HIP1: variants seen among roughly 807,000 people sequenced by gnomAD.
The protein encoded by HIP1 is huntingtin interacting protein 1.
Under a neutral mutation model 147.6 loss-of-function variants are expected in HIP1, and 65 were observed. That is an observed-to-expected ratio of 0.44 (90% CI 0.36 to 0.54). The LOEUF (loss-of-function observed/expected upper bound fraction) is 0.54. HIP1 is among the 20% of genes least tolerant of loss of function. HIP1 has a pLI of 0.00. For synonymous variants in HIP1, 479 were observed against 504.0 expected (o/e 0.95, Z 0.67); for missense variants, 1,061 against 1,299.6 (o/e 0.82, Z 2.82).
chr7:75,538,095 G>T lies in HIP1; in HGVS notation c.*77C>A. 8.3e-7 allele frequency: 1 copy of T among 1,210,770 alleles called. No individual in the cohort carries two copies. The highest frequency in any genetic ancestry group is 1.2e-6 in the Non-Finnish European group (1 of 812,222). The allele number at this position is 1,210,770 out of a possible 1,614,324, so 75.0% of individuals were successfully genotyped here. A position where few individuals can be genotyped will look rare whatever the true frequency, so the allele number is the denominator to read the frequency against. On this transcript the variant is annotated 3_prime_UTR_variant, in exon 31 of 31. Coordinates refer to ENST00000336926, the MANE Select transcript of HIP1 (RefSeq NM_005338.7). ...GCTGCCCCTGGGACTCCAAGGATTT[G>T]GCCTGTGGCTGGGGAAATAACACAC...
chr7:75,549,378 T>C (rs1554491704), intron 22 of HIP1, among the ~76,000 whole-genome samples: 1,685 of 149,516 alleles, frequency 0.011, 13 homozygotes, highest in Non-Finnish European at 0.018. Flanking sequence ...TTTTCTTTTT[T>C]TTTTTTTTTT....
At chr7:75,597,903 G>C in intron 2 of HIP1, among the ~76,000 whole-genome samples, 1 of 152,146 alleles carries the variant, frequency 6.6e-6, no homozygotes, top group South Asian at 2.1e-4. Context: ...CTCAAAGGCA[G>C]ATTCCTAGGG....
At chr7:75,579,745 A>G (rs1478181659) in intron 7 of HIP1, among the ~76,000 whole-genome samples, 2 of 152,212 alleles carry the variant, frequency 1.3e-5, no homozygotes, top group Non-Finnish European at 2.9e-5. Flanking sequence ...AACAAGCTGA[A>G]GGAAGCTGAA....
In HIP1 at chr7:75,664,002, ATGTGTATATATATACACATATATG is replaced by A. The variant is rs1799418416; in HGVS notation, c.121-64779_121-64756del. On this transcript the variant is annotated intron_variant, in intron 1 of 30. Coordinates refer to ENST00000336926, the MANE Select transcript of HIP1 (RefSeq NM_005338.7). ...TATATGTGTATATATATACACATAT[ATGTGTATATATATACACATATATG>A]TGTATATATATACACATATATGTGT... 1.1e-4 allele frequency among the ~76,000 whole-genome samples: 3 copies of A among 27,914 alleles called. 1 individual carries two copies. The East Asian group carries it at 2.6e-3, about 24-fold the overall frequency. 18.3% of individuals were successfully genotyped at this position (27,914 alleles called of 152,430 possible).
At chr7:75,569,976 C>T (rs1368910061) in intron 8 of HIP1, among the ~76,000 whole-genome samples, 2 of 151,160 alleles carry the variant, frequency 1.3e-5, no homozygotes, top group African/African-American at 2.4e-5. Flanking sequence ...CACTCTGTTG[C>T]CAGGCTGGAG....
At chr7:75,552,861 T>A (rs1040148798) in intron 22 of HIP1, among the ~76,000 whole-genome samples, 4 of 148,376 alleles carry the variant, frequency 2.7e-5, no homozygotes, top group African/African-American at 9.8e-5. Flanking sequence ...TTTTCCTTTT[T>A]AAATTTTTTT....
intron 1 of HIP1, among the ~76,000 whole-genome samples, chr7:75,702,897 A>G (rs1321108571): frequency 1.3e-5 from 2 of 152,136 alleles, no homozygotes; most frequent in Non-Finnish European, 2.9e-5. Context: ...GCATTAACCT[A>G]TTCATGAGGT....
At position 75,537,905 on chromosome 7, in the gene HIP1, G is replaced by A. The variant is rs587598667; in HGVS notation, c.*267C>T. Reference sequence around the variant, plus strand: ...GCCCTGCCCCCCACCACCCCTCTTCGTACCTAGGCTTGCTCATGGGCAGCA... The same window carrying A: ...GCCCTGCCCCCCACCACCCCTCTTCATACCTAGGCTTGCTCATGGGCAGCA... On this transcript the variant is annotated 3_prime_UTR_variant, in exon 31 of 31. Coordinates refer to ENST00000336926, the MANE Select transcript of HIP1 (RefSeq NM_005338.7). The A allele has an allele frequency of 2.4e-5, 12 of 509,722 alleles. No individual in the cohort carries two copies. The highest frequency in any genetic ancestry group is 6.6e-5 in the East Asian group (2 of 30,490). The allele number at this position is 509,722 out of a possible 1,614,324, so 31.6% of individuals were successfully genotyped here. A position where few individuals can be genotyped will look rare whatever the true frequency, so the allele number is the denominator to read the frequency against.
chr7:75,669,298 G>A (rs555015647), intron 1 of HIP1, among the ~76,000 whole-genome samples: 24 of 152,278 alleles, frequency 1.6e-4, no homozygotes, highest in Non-Finnish European at 2.2e-4. Flanking sequence ...GTGTGAACCC[G>A]GGAGGTGGAG....
In HIP1 at chr7:75,555,459, G is replaced by T; in HGVS notation, c.1920C>A (p.Asn640Lys). ...TGATGAGAGGAGGTTCTTCAAGCTG[G>T]TTCAGGGCGTCTTGTATCACCTGCT... ...AAEQVIQDAL[N>K]QLEEPPLISC... The change falls in exon 19 of 31, where the codon AAC becomes AAA. Residue 640 changes from asparagine to lysine, a missense_variant. This residue lies in a region of HIP1 where 810 missense variants were observed against 946.8 expected (regional missense o/e 0.86). Coordinates refer to ENST00000336926, the MANE Select transcript of HIP1 (RefSeq NM_005338.7). 5 of 1,614,136 alleles carry T rather than the reference G, an allele frequency of 3.1e-6. No homozygotes were observed. The highest frequency in any genetic ancestry group is 4.2e-6 in the Non-Finnish European group (5 of 1,180,036).
intron 1 of HIP1, chr7:75,626,630 C>A (rs1029882851): frequency 6.6e-6 from 1 of 152,196 alleles, no homozygotes; most frequent in African/African-American, 2.4e-5. Flanking sequence ...ACAGTGGAAA[C>A]TGGTTTTGAA....
chr7:75,632,331 G>A (rs782574723), intron 1 of HIP1, among the ~76,000 whole-genome samples: 1 of 152,044 alleles, frequency 6.6e-6, no homozygotes, highest in Non-Finnish European at 1.5e-5. Context: ...ACCTCATCTT[G>A]GTGAGATAAA....
At chr7:75,629,556 T>A (rs1268329179) in intron 1 of HIP1, among the ~76,000 whole-genome samples, 1 of 151,988 alleles carries the variant, frequency 6.6e-6, no homozygotes, top group Non-Finnish European at 1.5e-5. Context: ...CTTTTTTTTT[T>A]TTTTGAGATG....
intron 29 of HIP1, among the ~76,000 whole-genome samples, chr7:75,540,594 G>A (rs1046920581): frequency 6.6e-6 from 1 of 151,832 alleles, no homozygotes; most frequent in Non-Finnish European, 1.5e-5. Context: ...CTGGGGAACA[G>A]AGCAAGGCCC....
rs576771824 is a variant in HIP1, at chr7:75,667,622, G to A, written c.121-68375C>T. On this transcript the variant is annotated intron_variant, in intron 1 of 30. Coordinates refer to ENST00000336926, the MANE Select transcript of HIP1 (RefSeq NM_005338.7). ...CATCTCAGCCTCCCAAGTAGCTGAG[G>A]CTACACGCGTGTGCCATCACGCCTG... is the stretch of plus-strand genomic sequence containing the variant. Among the ~76,000 whole-genome samples, 24 of 152,244 alleles carry A rather than the reference G, an allele frequency of 1.6e-4. No individual in the cohort carries two copies. The South Asian group carries it at 4.8e-3, about 30-fold the overall frequency.
intron 1 of HIP1, among the ~76,000 whole-genome samples, chr7:75,717,120 A>G (rs550963714): frequency 2.0e-5 from 3 of 152,208 alleles, no homozygotes; most frequent in South Asian, 2.1e-4. Flanking sequence ...TGCCCGGCCA[A>G]TTCCTGACTT....
chr7:75,709,617 T>A (rs1801106838), intron 1 of HIP1, among the ~76,000 whole-genome samples: 1 of 152,182 alleles, frequency 6.6e-6, no homozygotes, highest in African/African-American at 2.4e-5. Context: ...TAAGATCACA[T>A]CATCAGCTAC....
chr7:75,625,773 T>A (rs1225643022), intron 1 of HIP1: 5 of 152,128 alleles, frequency 3.3e-5, no homozygotes, highest in Non-Finnish European at 1.5e-5. Context: ...AATGCCCTTA[T>A]AAAAGAGGCT....
intron 4 of HIP1, among the ~76,000 whole-genome samples, chr7:75,591,428 CT>C (rs1270672772): frequency 5.9e-5 from 9 of 152,110 alleles, no homozygotes; most frequent in African/African-American, 1.9e-4. Context: ...CAGAAATGCT[CT>C]TTTCCATTGA....
Sources: gnomAD v4.1 joint callset for allele counts (sites outside exome capture counted in the v4.1 genomes callset) on GRCh38, gnomAD v4.1.1 for gene constraint, gnomAD v4.1.1 regional missense constraint, MANE v1.5 for transcripts, NCBI Gene and HGNC (gene_info 2026-07-23, HGNC 2026-07-21) for gene names.